Variants in PDE2A observed in about 807,000 individuals in gnomAD.
PDE2A encodes cGMP-dependent 3',5'-cyclic phosphodiesterase.
Under a neutral mutation model 133.6 loss-of-function variants are expected in PDE2A, and 53 were observed. The ratio of observed to expected loss-of-function variants is 0.40; its 90% CI spans 0.32 to 0.50. The LOEUF (loss-of-function observed/expected upper bound fraction) is 0.50, where lower values mean the gene tolerates loss of function less well. PDE2A is among the 20% of genes least tolerant of loss of function. The pLI is 0.73. For synonymous variants in PDE2A, 491 were observed against 490.2 expected (o/e 1.00, Z -0.02); for missense variants, 796 against 1,232.4 (o/e 0.65, Z 5.30).
chr11:72,610,830 A>G (rs936594011), intron 2 of PDE2A, among the ~76,000 whole-genome samples: 4 of 152,132 alleles, frequency 2.6e-5, no homozygotes, highest in African/African-American at 4.8e-5. Flanking sequence ...CCATGTGCGC[A>G]CACACACACA....
At chr11:72,647,010 C>T (rs1242972347) in intron 1 of PDE2A, among the ~76,000 whole-genome samples, 1 of 152,188 alleles carries the variant, frequency 6.6e-6, no homozygotes. Context: ...TCCTTCTTCA[C>T]CTATCCCCAG....
rs182461445 is a variant in PDE2A at position 72,644,019 on chromosome 11, A to G, written c.72-1693T>C. ...CCTCCCCACCATTCCTTACATTTCT[A>G]CTTCTTGCTCTTCTCACATCAATGA... On this transcript the variant is annotated intron_variant, in intron 1 of 30. Coordinates refer to ENST00000334456, the MANE Select transcript of PDE2A (RefSeq NM_002599.5). 1.5e-3 allele frequency among the ~76,000 whole-genome samples: 234 copies of G among 151,656 alleles called. 2 individuals carry two copies. Among genetic ancestry groups the G allele is most frequent in the African/African-American group, 5.5e-3 (229 of 41,306 alleles).
chr11:72,630,808 G>A (rs540142927), intron 2 of PDE2A, among the ~76,000 whole-genome samples: 3 of 152,110 alleles, frequency 2.0e-5, no homozygotes, highest in South Asian at 2.1e-4. Flanking sequence ...GAATTGTTGG[G>A]TGAGGGTGGG....
chr11:72,599,274 C>T (rs1438968616), intron 4 of PDE2A, among the ~76,000 whole-genome samples: 1 of 152,122 alleles, frequency 6.6e-6, no homozygotes, highest in Non-Finnish European at 1.5e-5. Context: ...AAAACCCCTC[C>T]TCTGTGCTCA....
chr11:72,671,136 T>C (rs1855374860), intron 1 of PDE2A, among the ~76,000 whole-genome samples: 1 of 152,204 alleles, frequency 6.6e-6, no homozygotes, highest in African/African-American at 2.4e-5. Flanking sequence ...AAGCCCAGGC[T>C]TGCTGTGGGC....
At chr11:72,622,308 A>C (rs1032060388) in intron 2 of PDE2A, among the ~76,000 whole-genome samples, 3 of 152,258 alleles carry the variant, frequency 2.0e-5, no homozygotes, top group Admixed American at 6.5e-5. Flanking sequence ...TTCCTCAAAA[A>C]CCAAAAAATA....
chr11:72,578,608 C>A lies in PDE2A; in HGVS notation c.2470-94G>T. On this transcript the variant is annotated intron_variant, in intron 28 of 30. Coordinates refer to ENST00000334456, the MANE Select transcript of PDE2A (RefSeq NM_002599.5). This position sits in a 1 kb window ranked among gnomAD's most constrained non-coding sequence, Gnocchi z 4.2. ...GTTCCCAGGAGAGAAAACTGAGGCC[C>A]AGGGATTCAGTCCCAGCTCAGGAGC... is the stretch of plus-strand genomic sequence containing the variant. 9.1e-7 allele frequency: 1 copy of A among 1,103,128 alleles called. No homozygotes were observed. 68.3% of individuals were successfully genotyped at this position (1,103,128 alleles called of 1,614,324 possible).
At chr11:72,629,784 C>A (rs1565181534) in intron 2 of PDE2A, among the ~76,000 whole-genome samples, 1 of 152,230 alleles carries the variant, frequency 6.6e-6, no homozygotes, top group Non-Finnish European at 1.5e-5. Flanking sequence ...TGTCCCAACT[C>A]ACTTGCTGAA....
intron 2 of PDE2A, chr11:72,614,955 C>A: frequency 3.0e-6 from 1 of 336,366 alleles, no homozygotes; most frequent in Non-Finnish European, 7.2e-6. Context: ...GAGACCTTTC[C>A]TCCTCCCTCT....
chr11:72,649,738 T>C, intron 1 of PDE2A, among the ~76,000 whole-genome samples: 1 of 152,062 alleles, frequency 6.6e-6, no homozygotes, highest in African/African-American at 2.4e-5. Flanking sequence ...GCCGGCTCCT[T>C]CCCATGTGGG....
intron 12 of PDE2A, 67 bp downstream of exon 12, chr11:72,589,108 C>A (rs756799667): frequency 6.2e-5 from 88 of 1,428,514 alleles, no homozygotes; most frequent in Non-Finnish European, 8.0e-5. Context: ...GTAACAGAGA[C>A]CCTGGCTCTA....
rs1856169779 is a variant in PDE2A at position 72,590,130 on chromosome 11, GGAA to G, written c.756+59_756+61del. On this transcript the variant is annotated intron_variant, in intron 9 of 30. Transcript: ENST00000334456. This position sits in a 1 kb window ranked among gnomAD's most constrained non-coding sequence, Gnocchi z 4.8. ...TGGAACTGAGATGGAGGGCTCAAGG[GGAA>G]GTTGGTCCCCGGAGGGAGACAGGAC... The G allele has an allele frequency of 6.8e-7, 1 of 1,461,618 alleles. No homozygotes were observed. The highest frequency in any genetic ancestry group is 9.4e-7 in the Non-Finnish European group (1 of 1,069,248). 90.5% of individuals were successfully genotyped at this position (1,461,618 alleles called of 1,614,324 possible).
intron 16 of PDE2A, 103 bp from the exon 17 acceptor site, chr11:72,585,047 G>A: frequency 9.1e-7 from 1 of 1,097,042 alleles, no homozygotes; most frequent in Non-Finnish European, 1.4e-6. Context: ...CCTGGGAGGA[G>A]TGCTCCAAGG....
intron 2 of PDE2A, among the ~76,000 whole-genome samples, chr11:72,619,906 GAGA>G (rs1857668705): frequency 6.6e-6 from 1 of 152,114 alleles, no homozygotes; most frequent in African/African-American, 2.4e-5. Context: ...CAGAGCTGCT[GAGA>G]AGATTAAGCT....
chr11:72,635,788 G>A (rs184187411), intron 2 of PDE2A, among the ~76,000 whole-genome samples: 6 of 152,318 alleles, frequency 3.9e-5, no homozygotes, highest in South Asian at 2.1e-4. Flanking sequence ...CTGCAAGATC[G>A]GACCTCAGCA....
intron 3 of PDE2A, among the ~76,000 whole-genome samples, chr11:72,607,783 G>A (rs956749522): frequency 6.6e-6 from 1 of 152,176 alleles, no homozygotes; most frequent in African/African-American, 2.4e-5. Flanking sequence ...GGCTGCCCTT[G>A]GCCGGGTTTA....
At chr11:72,580,471 G>C in intron 25 of PDE2A, 106 bp downstream of exon 25, 2 of 867,274 alleles carry the variant, frequency 2.3e-6, no homozygotes, top group South Asian at 2.8e-5. Flanking sequence ...AGCTCTCGCA[G>C]CCTGTCTGGA....
At chr11:72,626,876 C>G (rs1207914822) in intron 2 of PDE2A, among the ~76,000 whole-genome samples, 1 of 152,218 alleles carries the variant, frequency 6.6e-6, no homozygotes, top group East Asian at 1.9e-4. Context: ...AGCCAACCTC[C>G]TGCAGCCTCC....
In PDE2A at chr11:72,581,896, C is replaced by T. The variant is rs775329577; in HGVS notation, c.1903G>A (p.Asp635Asn). 1.9e-6 allele frequency: 3 copies of T among 1,613,810 alleles called. No homozygotes were observed. The highest frequency in any genetic ancestry group is 2.5e-6 in the Non-Finnish European group (3 of 1,179,970). Residue 635 changes from aspartate (D) to asparagine (N), a missense_variant, in exon 22 of 31, where the codon GAC becomes AAC. Around this residue, in one of 7 missense-constraint regions of PDE2A, gnomAD observed 218 missense variants for 465.9 expected, o/e 0.47. Coordinates refer to ENST00000334456, the MANE Select transcript of PDE2A (RefSeq NM_002599.5). ...ACGAACCGGGCCAGGGTCGGGCAGT[C>T]AATTTTGTAGTTGTTGATGAAATTC... is the stretch of plus-strand genomic sequence containing the variant. The part of the protein sequence containing the change: ...DMNFINNYKI[D>N]CPTLARFCLM...
Sources: allele counts gnomAD v4.1 joint callset (sites outside exome capture counted in the v4.1 genomes callset), GRCh38; gene constraint gnomAD v4.1.1; regional missense constraint gnomAD v4.1.1; non-coding constraint Gnocchi (gnomAD v3.1); transcripts MANE v1.5; gene names NCBI Gene and HGNC (gene_info 2026-07-23, HGNC 2026-07-21).